Variants in ZRANB3 observed in about 807,000 individuals in gnomAD.
ZRANB3 encodes DNA annealing helicase and endonuclease ZRANB3.
A neutral mutation model predicts 133.8 loss-of-function variants in ZRANB3; 125 were observed. That is an observed-to-expected ratio of 0.93 (90% confidence interval 0.81 to 1.08). The LOEUF is 1.08. Ranked by LOEUF, ZRANB3 falls within the 50% of genes least tolerant of loss-of-function variation. The pLI is 0.00. For missense variants in ZRANB3, 1,229 were observed against 1,275.5 expected (o/e 0.96, Z 0.56); for synonymous variants, 387 against 432.7 (o/e 0.89, Z 1.31).
chr2:135,466,185 C>T (rs1258936120), intron 2 of ZRANB3, among the ~76,000 whole-genome samples: 1 of 151,918 alleles, frequency 6.6e-6, no homozygotes, highest in Non-Finnish European at 1.5e-5. Flanking sequence ...GAGTTTGAGA[C>T]CAGCCTGGCC....
intron 8 of ZRANB3, among the ~76,000 whole-genome samples, chr2:135,286,571 A>T (rs1573832538): frequency 6.6e-6 from 1 of 152,144 alleles, no homozygotes; most frequent in East Asian, 1.9e-4. Context: ...GAGCCACTGC[A>T]CTCGGCCTTA....
intron 2 of ZRANB3, among the ~76,000 whole-genome samples, chr2:135,428,562 A>G (rs1689191353): frequency 6.6e-6 from 1 of 152,220 alleles, no homozygotes; most frequent in Non-Finnish European, 1.5e-5. Context: ...GACTAAACAG[A>G]CAACTTACAG....
chr2:135,318,144 C>T (rs1683344969), intron 6 of ZRANB3, among the ~76,000 whole-genome samples: 1 of 150,982 alleles, frequency 6.6e-6, no homozygotes, highest in South Asian at 2.1e-4. Context: ...CAACTTTTAC[C>T]TAATAATATA....
At chr2:135,387,132 CAAGT>C (rs1489723222) in intron 3 of ZRANB3, among the ~76,000 whole-genome samples, 1 of 151,692 alleles carries the variant, frequency 6.6e-6, no homozygotes, top group Non-Finnish European at 1.5e-5. Flanking sequence ...CACAATACTC[CAAGT>C]GAGTATTCAA....
intron 2 of ZRANB3, among the ~76,000 whole-genome samples, chr2:135,439,236 A>G (rs1689677302): frequency 6.6e-6 from 1 of 152,202 alleles, no homozygotes; most frequent in Non-Finnish European, 1.5e-5. Context: ...TTGCCTATGC[A>G]CTAATAAATG....
chr2:135,334,588 AT>A (rs1028702877), intron 6 of ZRANB3, among the ~76,000 whole-genome samples: 3 of 151,588 alleles, frequency 2.0e-5, no homozygotes, highest in South Asian at 2.1e-4. Context: ...CATGAGAGAC[AT>A]TTTTTTTTAA....
intron 1 of ZRANB3, among the ~76,000 whole-genome samples, chr2:135,514,317 T>C (rs1183076259): frequency 6.6e-6 from 1 of 152,226 alleles, no homozygotes; most frequent in African/African-American, 2.4e-5. Flanking sequence ...CTTATTTCCT[T>C]GAGCAGTGGT....
At chr2:135,257,576 C>T in intron 12 of ZRANB3, among the ~76,000 whole-genome samples, 1 of 152,208 alleles carries the variant, frequency 6.6e-6, no homozygotes, top group Non-Finnish European at 1.5e-5. Context: ...AATTTCTCTA[C>T]ATCATTGCCA....
intron 1 of ZRANB3, 69 bp from the exon 2 acceptor site, chr2:135,504,565 T>A (rs924437320): frequency 1.8e-4 from 241 of 1,336,924 alleles, no homozygotes; most frequent in Non-Finnish European, 2.4e-4. Flanking sequence ...TGTTACAGAA[T>A]CACATATAAA....
intron 12 of ZRANB3, among the ~76,000 whole-genome samples, chr2:135,243,672 G>A (rs1388937822): frequency 6.6e-6 from 1 of 151,956 alleles, no homozygotes; most frequent in Non-Finnish European, 1.5e-5. Context: ...AGGCTGGAGT[G>A]CAATGGTGTG....
chr2:135,208,268 C>T lies in ZRANB3; in HGVS notation c.2607-432G>A, dbSNP rs183263549. ...GTAATTACAAACTCTCTCCTCCAGC[C>T]TCTGCTAGCTCACAGGAAATAGAGT... is the stretch of plus-strand genomic sequence containing the variant. On this transcript the variant is annotated intron_variant, in intron 18 of 20. Coordinates refer to ENST00000264159, the MANE Select transcript of ZRANB3 (RefSeq NM_032143.4). Among the ~76,000 whole-genome samples, 10 of 152,278 alleles carry T rather than the reference C, an allele frequency of 6.6e-5. No homozygotes were observed. The East Asian group carries it at 1.5e-3, about 24-fold the overall frequency.
intron 6 of ZRANB3, among the ~76,000 whole-genome samples, chr2:135,332,257 A>G (rs1459879009): frequency 2.0e-5 from 3 of 152,092 alleles, no homozygotes; most frequent in Non-Finnish European, 4.4e-5. Context: ...CTACCTCCCT[A>G]TTAAGTTCCA....
chr2:135,443,597 C>T (rs1423499017), intron 2 of ZRANB3, among the ~76,000 whole-genome samples: 2 of 151,692 alleles, frequency 1.3e-5, no homozygotes, highest in Non-Finnish European at 2.9e-5. Context: ...AGAATGGAGT[C>T]AAAGAGAAAC....
intron 1 of ZRANB3, among the ~76,000 whole-genome samples, chr2:135,530,208 CAAA>C (rs371430339): frequency 2.0e-5 from 2 of 102,538 alleles, no homozygotes. Context: ...GACTCCGTCT[CAAA>C]AAAAAAAAAA....
chr2:135,223,329 CA>C (rs2105058537), intron 15 of ZRANB3, among the ~76,000 whole-genome samples: 1 of 151,072 alleles, frequency 6.6e-6, no homozygotes, highest in East Asian at 2.0e-4. Flanking sequence ...ATGAAAAAAA[CA>C]TTTTTTTTTT....
intron 1 of ZRANB3, among the ~76,000 whole-genome samples, chr2:135,513,910 T>C (rs554550305): frequency 6.6e-6 from 1 of 152,304 alleles, no homozygotes; most frequent in South Asian, 2.1e-4. Flanking sequence ...CCCCATTTCT[T>C]GTTTTTGTCA....
rs556057460 is a variant in ZRANB3 at position 135,514,208 on chromosome 2, T to C, written c.-7-9712A>G. ...CAATGGTAGCTTGATGGGGATAGCA[T>C]TGAATCTGTAAGTTACTTTGGGCAA... On this transcript the variant is annotated intron_variant, in intron 1 of 20. Coordinates refer to ENST00000264159, the MANE Select transcript of ZRANB3 (RefSeq NM_032143.4). Among the ~76,000 whole-genome samples, 274 of 152,362 alleles carry C rather than the reference T, an allele frequency of 1.8e-3. 2 individuals are homozygous for C. The highest frequency in any genetic ancestry group is 0.014 in the Middle Eastern group (4 of 294).
At chr2:135,356,870 A>AT (rs1028361678) in intron 3 of ZRANB3, among the ~76,000 whole-genome samples, 4 of 151,354 alleles carry the variant, frequency 2.6e-5, no homozygotes, top group Non-Finnish European at 4.4e-5. Flanking sequence ...ATGCCCAGCT[A>AT]TTTTTTTTGG....
At chr2:135,210,675 T>C (rs1210412230) in intron 17 of ZRANB3, among the ~76,000 whole-genome samples, 1 of 152,182 alleles carries the variant, frequency 6.6e-6, no homozygotes, top group African/African-American at 2.4e-5. Context: ...GGCTCATATC[T>C]GTAATCCCAG....
Sources: allele counts gnomAD v4.1 joint callset (sites outside exome capture counted in the v4.1 genomes callset), GRCh38; gene constraint gnomAD v4.1.1; transcripts MANE v1.5; gene names NCBI Gene and HGNC (gene_info 2026-07-23, HGNC 2026-07-21).